The following CALN1 variants were observed in gnomAD, a reference collection of about 807,000 sequenced individuals.
The protein encoded by CALN1 is calcium-binding protein 8.
A neutral mutation model predicts 30.6 loss-of-function variants in CALN1; 17 were observed. That is an observed-to-expected ratio of 0.56 (90% CI 0.38 to 0.83). The LOEUF (loss-of-function observed/expected upper bound fraction) is 0.83. CALN1 is among the 40% of genes least tolerant of loss of function. The pLI, the probability that CALN1 is intolerant of heterozygous loss-of-function variation, is 0.00. For synonymous variants in CALN1, 156 were observed against 131.4 expected, an observed-to-expected ratio of 1.19 and a Z score of -1.28; for missense variants, 291 against 354.9, an observed-to-expected ratio of 0.82 and a Z score of 1.45.
intron 3 of CALN1, among the ~76,000 whole-genome samples, chr7:72,259,663 T>C (rs1009000031): frequency 1.3e-5 from 2 of 152,190 alleles, no homozygotes; most frequent in African/African-American, 4.8e-5. Context: ...ATCTGTATAA[T>C]GGGGACACCA....
At chr7:72,460,918 G>A in the CALN1 span, among the ~76,000 whole-genome samples, 1 of 152,096 alleles carries the variant, frequency 6.6e-6, no homozygotes, top group Non-Finnish European at 1.5e-5. Context: ...CCTGAGTCTG[G>A]GTTCAGCTCC....
intron 2 of CALN1, among the ~76,000 whole-genome samples, chr7:72,337,987 T>C (rs951987700): frequency 2.0e-5 from 3 of 152,194 alleles, no homozygotes; most frequent in African/African-American, 7.2e-5. Flanking sequence ...GGGCAACGCA[T>C]GTGCTTGGAG....
chr7:71,814,834 CT>C (rs201392659), intron 5 of CALN1, among the ~76,000 whole-genome samples: 7,224 of 142,076 alleles, frequency 0.051, 249 homozygotes, highest in African/African-American at 0.12. Context: ...AGTTAATCAA[CT>C]TTTTTTTTTT....
At chr7:72,091,838 T>C (rs758406499) in intron 4 of CALN1, among the ~76,000 whole-genome samples, 21 of 152,218 alleles carry the variant, frequency 1.4e-4, no homozygotes, top group Non-Finnish European at 2.2e-4. Context: ...GAGAAATGTA[T>C]ATTTTTAATG....
At chr7:72,270,738 G>A (rs1177022221) in intron 3 of CALN1, among the ~76,000 whole-genome samples, 1 of 152,194 alleles carries the variant, frequency 6.6e-6, no homozygotes, top group Non-Finnish European at 1.5e-5. Flanking sequence ...TTGTGCCACT[G>A]CACTCCAGCC....
intron 4 of CALN1, among the ~76,000 whole-genome samples, chr7:72,103,013 C>T (rs575182087): frequency 1.4e-3 from 195 of 137,944 alleles, no homozygotes; most frequent in African/African-American, 5.1e-3. Flanking sequence ...GCGGAGGTTG[C>T]AGTGAGCAGA....
intron 2 of CALN1, among the ~76,000 whole-genome samples, chr7:72,338,469 CAGTGTG>C (rs1397158035): frequency 2.4e-3 from 99 of 41,986 alleles, no homozygotes; most frequent in African/African-American, 6.9e-3. Flanking sequence ...GCCAGCAGCA[CAGTGTG>C]TGTGTGTGTG....
chr7:71,977,161 T>C lies in CALN1; in HGVS notation c.501+46496A>G, dbSNP rs367633198. Among the ~76,000 whole-genome samples, 10 of 152,318 alleles carry C rather than the reference T, an allele frequency of 6.6e-5. No homozygotes were observed. In the East Asian group the frequency reaches 1.2e-3, roughly 18 times the overall value. On this transcript the variant is annotated intron_variant, in intron 5 of 6. Transcript: ENST00000395275. ...AAAAACCAAAATCAATTCTAGTGCA[T>C]TGGGCACCCTTTTGCTTGATAACAA...
At chr7:72,211,027 C>T (rs1477490738) in intron 3 of CALN1, among the ~76,000 whole-genome samples, 1 of 152,032 alleles carries the variant, frequency 6.6e-6, no homozygotes, top group African/African-American at 2.4e-5. Flanking sequence ...GCACTCTAGC[C>T]TGGATGACAG....
intron 2 of CALN1, among the ~76,000 whole-genome samples, chr7:72,282,452 T>A (rs1305700290): frequency 2.0e-5 from 3 of 152,226 alleles, no homozygotes; most frequent in African/African-American, 7.2e-5. Flanking sequence ...TATTAAGAGA[T>A]GGAGCCTTTA....
intron 3 of CALN1, among the ~76,000 whole-genome samples, chr7:72,185,171 C>G (rs1049659264): frequency 2.6e-5 from 4 of 151,984 alleles, no homozygotes; most frequent in African/African-American, 9.7e-5. Context: ...AAGGTCCTTC[C>G]TCTGGGCCAA....
At chr7:71,858,356 A>G (rs985272795) in intron 5 of CALN1, among the ~76,000 whole-genome samples, 1 of 152,066 alleles carries the variant, frequency 6.6e-6, no homozygotes, top group Non-Finnish European at 1.5e-5. Flanking sequence ...AAATCACCCA[A>G]TCTCGGGTAT....
intron 3 of CALN1, among the ~76,000 whole-genome samples, chr7:72,124,944 AT>A (rs372923522): frequency 1.3e-3 from 199 of 151,396 alleles, no homozygotes; most frequent in African/African-American, 2.3e-3. Flanking sequence ...ACAACTCATT[AT>A]TTTTTTTTAA....
chr7:72,278,460 C>G (rs1397475216), intron 3 of CALN1, among the ~76,000 whole-genome samples: 1 of 142,106 alleles, frequency 7.0e-6, no homozygotes, highest in Non-Finnish European at 1.5e-5. Flanking sequence ...ATTGCTCAGG[C>G]TATCAGGTCT....
chr7:72,140,340 AAGGGAGGGAGGGAGGG>A (rs200997090), intron 3 of CALN1, among the ~76,000 whole-genome samples: 29,438 of 65,480 alleles, frequency 0.45, 6,650 homozygotes, highest in East Asian at 0.78. Context: ...AGAAGGAAGG[AAGGGAGGGAGGGAGGG>A]AGGGAGGGAG....
At chr7:72,077,099 G>A (rs1015755254) in intron 4 of CALN1, among the ~76,000 whole-genome samples, 6 of 151,992 alleles carry the variant, frequency 3.9e-5, no homozygotes, top group Admixed American at 2.6e-4. Context: ...TAGTGGCATT[G>A]GTGGGTGGTA....
At position 72,023,774 on chromosome 7, in the gene CALN1, AAGG is replaced by A. The variant is rs1373624192; in HGVS notation, c.389-8_389-6del. On this transcript the variant is annotated splice_region_variant and splice_polypyrimidine_tract_variant and intron_variant, in intron 4 of 6. Coordinates refer to ENST00000395275, the MANE Select transcript of CALN1 (RefSeq NM_031468.4). The stretch of plus-strand genomic sequence containing the variant: ...CAAAATCCACCTGGCCATCCCCTGC[AAGG>A]AGAAGATGTAAATATGAGTTGCAAA... The A allele has an allele frequency of 5.6e-6, 9 of 1,611,512 alleles. No homozygotes were observed. Among genetic ancestry groups the A allele is most frequent in the East Asian group, 2.2e-5 (1 of 44,858 alleles).
At chr7:72,323,032 A>T (rs1801004518) in intron 2 of CALN1, among the ~76,000 whole-genome samples, 1 of 151,488 alleles carries the variant, frequency 6.6e-6, no homozygotes, top group South Asian at 2.1e-4. Flanking sequence ...ACGCAAAAAA[A>T]CCAATTTGTA....
At chr7:71,944,346 G>A (rs918934130) in intron 5 of CALN1, among the ~76,000 whole-genome samples, 12 of 152,086 alleles carry the variant, frequency 7.9e-5, no homozygotes, top group Admixed American at 7.9e-4. Flanking sequence ...TGTAATCCCA[G>A]CACTTTGGGA....
Sources: gnomAD v4.1 joint callset for allele counts (sites outside exome capture counted in the v4.1 genomes callset) on GRCh38, gnomAD v4.1.1 for gene constraint, MANE v1.5 for transcripts, NCBI Gene and HGNC (gene_info 2026-07-23, HGNC 2026-07-21) for gene names.